The following PDGFC variants were observed in gnomAD, a reference collection of about 807,000 sequenced individuals.
PDGFC encodes the protein platelet-derived growth factor C.
In PDGFC, 12 loss-of-function variants were observed where a neutral mutation model predicts 35.5. That is an observed-to-expected ratio of 0.34 (90% confidence interval 0.22 to 0.55). The LOEUF is 0.55. Among genes scored for constraint, PDGFC ranks in the 20% least tolerant of loss-of-function variants. PDGFC has a pLI of 0.91. For synonymous variants in PDGFC, 159 were observed against 148.8 expected, an observed-to-expected ratio of 1.07 and a Z score of -0.50; for missense variants, 322 against 412.4, an observed-to-expected ratio of 0.78 and a Z score of 1.90.
rs147006625 is a variant in PDGFC at position 156,861,103 on chromosome 4, CAG to C, written c.119-10689_119-10688del. Among the ~76,000 whole-genome samples the C allele has an allele frequency of 3.9e-3, 589 of 152,104 alleles. 1 individual carries two copies. The highest frequency in any genetic ancestry group is 0.014 in the African/African-American group (565 of 41,514). On this transcript the variant is annotated intron_variant, in intron 1 of 5. Coordinates refer to ENST00000502773, the MANE Select transcript of PDGFC (RefSeq NM_016205.3). ...CCAGGTAAAACTATCTCTAACATGT[CAG>C]AGAATATACAGAAGTGGGAATGTAG...
intron 1 of PDGFC, among the ~76,000 whole-genome samples, chr4:156,931,262 G>A (rs768571432): frequency 8.5e-5 from 13 of 152,084 alleles, no homozygotes; most frequent in African/African-American, 1.2e-4. Context: ...CTTACCTTCC[G>A]AAGGCTAATG....
intron 1 of PDGFC, among the ~76,000 whole-genome samples, chr4:156,885,286 A>G (rs999935181): frequency 2.0e-5 from 3 of 152,138 alleles, no homozygotes; most frequent in Non-Finnish European, 4.4e-5. Flanking sequence ...TGTCTCTTCC[A>G]TTTTACTAAG....
chr4:156,832,489 T>A (rs1728968483), intron 2 of PDGFC, among the ~76,000 whole-genome samples: 1 of 152,048 alleles, frequency 6.6e-6, no homozygotes, highest in African/African-American at 2.4e-5. Flanking sequence ...ACTCCTGACC[T>A]CGTGATCCAC....
chr4:156,895,718 G>A (rs1023856870), intron 1 of PDGFC, among the ~76,000 whole-genome samples: 1 of 151,606 alleles, frequency 6.6e-6, no homozygotes, highest in Non-Finnish European at 1.5e-5. Flanking sequence ...AAAAATCTAT[G>A]TATATGTGAG....
chr4:156,805,191 A>G lies in PDGFC; in HGVS notation c.495+5646T>C, dbSNP rs140768822. 1.7e-3 allele frequency among the ~76,000 whole-genome samples: 255 copies of G among 152,176 alleles called. 1 individual carries two copies. The highest frequency in any genetic ancestry group is 5.7e-3 in the African/African-American group (235 of 41,570). On this transcript the variant is annotated intron_variant, in intron 3 of 5. Transcript: ENST00000502773. ...AGAGTTTAGTCTCTATAGCAATTAT[A>G]TAATTTCCTAGCTGCAATAAAATAC...
chr4:156,768,898 G>A (rs561376723), intron 4 of PDGFC, among the ~76,000 whole-genome samples: 6 of 151,908 alleles, frequency 3.9e-5, no homozygotes, highest in South Asian at 2.1e-4. Context: ...AAATTATATC[G>A]AAATAACATG....
chr4:156,790,114 C>T (rs1403024853), intron 3 of PDGFC, among the ~76,000 whole-genome samples: 1 of 151,988 alleles, frequency 6.6e-6, no homozygotes, highest in African/African-American at 2.4e-5. Context: ...TGATCACTGG[C>T]CAATTATTTA....
intron 5 of PDGFC, among the ~76,000 whole-genome samples, chr4:156,765,096 G>A (rs1194398423): frequency 1.3e-5 from 2 of 152,166 alleles, no homozygotes; most frequent in African/African-American, 4.8e-5. Context: ...TGCTCATGGA[G>A]ATTTACAAAT....
At chr4:156,867,575 T>C (rs1729876169) in intron 1 of PDGFC, among the ~76,000 whole-genome samples, 1 of 152,194 alleles carries the variant, frequency 6.6e-6, no homozygotes, top group Non-Finnish European at 1.5e-5. Flanking sequence ...AGTATTCATG[T>C]ATCAATTCTC....
At chr4:156,930,858 C>G (rs1356460763) in intron 1 of PDGFC, among the ~76,000 whole-genome samples, 1 of 151,982 alleles carries the variant, frequency 6.6e-6, no homozygotes, top group Non-Finnish European at 1.5e-5. Flanking sequence ...GAGTGAAACT[C>G]TGTCTCAAAA....
rs1368487407 is a variant in PDGFC at position 156,779,915 on chromosome 4, G to C, written c.496-7022C>G. ...TTTAGATTTGAAGGTCTCCACAGAA[G>C]TCAACTCCACCACAGAGCAGGCTCA... On this transcript the variant is annotated intron_variant, in intron 3 of 5. Coordinates refer to ENST00000502773, the MANE Select transcript of PDGFC (RefSeq NM_016205.3). Among the ~76,000 whole-genome samples, 4 of 152,138 alleles carry C rather than the reference G, an allele frequency of 2.6e-5. No individual in the cohort carries two copies. The East Asian group carries it at 7.7e-4, about 29-fold the overall frequency.
intron 1 of PDGFC, among the ~76,000 whole-genome samples, chr4:156,869,167 C>CTCA (rs1189616512): frequency 1.3e-5 from 2 of 152,158 alleles, no homozygotes; most frequent in African/African-American, 4.8e-5. Context: ...GGTGCGGTGG[C>CTCA]TCATGCCTGT....
At chr4:156,828,723 G>C (rs1262174771) in intron 2 of PDGFC, among the ~76,000 whole-genome samples, 3 of 152,056 alleles carry the variant, frequency 2.0e-5, no homozygotes, top group Non-Finnish European at 4.4e-5. Context: ...GATAGAACAG[G>C]TAAAATTCTA....
intron 1 of PDGFC, among the ~76,000 whole-genome samples, chr4:156,857,472 C>T (rs1338801809): frequency 6.6e-6 from 1 of 152,040 alleles, no homozygotes; most frequent in Non-Finnish European, 1.5e-5. Flanking sequence ...TTGATGCTGT[C>T]TTTAAAAAAC....
chr4:156,877,257 C>G (rs76286460), intron 1 of PDGFC, among the ~76,000 whole-genome samples: 1 of 149,824 alleles, frequency 6.7e-6, no homozygotes, highest in African/African-American at 2.5e-5. Context: ...CTCAGTGTTA[C>G]GGAAATAATC....
intron 1 of PDGFC, among the ~76,000 whole-genome samples, chr4:156,928,622 G>T (rs1337944066): frequency 6.6e-6 from 1 of 152,138 alleles, no homozygotes; most frequent in East Asian, 1.9e-4. Context: ...AAGAGATATT[G>T]CACCCCAATC....
At chr4:156,795,062 CCTTT>C (rs1158790578) in intron 3 of PDGFC, among the ~76,000 whole-genome samples, 1 of 152,194 alleles carries the variant, frequency 6.6e-6, no homozygotes, top group Non-Finnish European at 1.5e-5. Context: ...TTACTGGCAT[CCTTT>C]CTGTTTCCAG....
intron 1 of PDGFC, among the ~76,000 whole-genome samples, chr4:156,865,238 T>C (rs1373477598): frequency 6.7e-6 from 1 of 149,050 alleles, no homozygotes; most frequent in Non-Finnish European, 1.5e-5. Flanking sequence ...ATACACAAAG[T>C]GGTCCAGCAT....
chr4:156,850,417 C>A lies in PDGFC; in HGVS notation c.119-1G>T. The A allele has an allele frequency of 1.3e-6, 2 of 1,550,594 alleles. No homozygotes were observed. The highest frequency in any genetic ancestry group is 1.2e-5 in the South Asian group (1 of 82,930). On this transcript the variant is annotated splice_acceptor_variant, in intron 1 of 5. Transcript: ENST00000502773. LOFTEE classifies it high-confidence loss of function. ...CTCTCATGCTGAGGATCTTGTACTC[C>A]TAAAGCAAAAAACATAGACATAGAC...
Sources: allele counts gnomAD v4.1 joint callset (sites outside exome capture counted in the v4.1 genomes callset), GRCh38; gene constraint gnomAD v4.1.1; transcripts MANE v1.5; gene names NCBI Gene and HGNC (gene_info 2026-07-23, HGNC 2026-07-21).